Variants in CNTNAP5 observed in about 807,000 individuals in gnomAD.
CNTNAP5 encodes contactin associated protein family member 5, also known as contactin-associated protein-like 5.
Under a neutral mutation model 150.2 loss-of-function variants are expected in CNTNAP5, and 72 were observed. That is an observed-to-expected ratio of 0.48 (90% CI 0.40 to 0.58). CNTNAP5 has a LOEUF of 0.58. Among genes scored for constraint, CNTNAP5 ranks in the 20% least tolerant of loss-of-function variants. CNTNAP5 has a pLI of 0.00. For synonymous variants in CNTNAP5, 672 were observed against 619.8 expected (o/e 1.08, Z -1.25); for missense variants, 1,636 against 1,626.2 (o/e 1.01, Z -0.10).
chr2:124,890,710 A>G (rs139605898), intron 21 of CNTNAP5, among the ~76,000 whole-genome samples: 19 of 152,244 alleles, frequency 1.2e-4, no homozygotes, highest in African/African-American at 4.6e-4. Context: ...CAGAAACCCC[A>G]TTTCGTAGAG....
chr2:124,675,202 CTTT>C (rs1216528209), intron 13 of CNTNAP5, among the ~76,000 whole-genome samples: 3 of 151,760 alleles, frequency 2.0e-5, no homozygotes, highest in African/African-American at 7.3e-5. Context: ...AAATGTCCTT[CTTT>C]GTCATTAGTA....
chr2:124,491,242 G>A (rs1025107115), intron 7 of CNTNAP5, among the ~76,000 whole-genome samples: 8 of 152,060 alleles, frequency 5.3e-5, no homozygotes, highest in African/African-American at 1.9e-4. Context: ...ACCCTGACAA[G>A]TACTGTTCTA....
chr2:124,184,371 C>T (rs1226380726), intron 1 of CNTNAP5, among the ~76,000 whole-genome samples: 1 of 152,136 alleles, frequency 6.6e-6, no homozygotes, highest in Non-Finnish European at 1.5e-5. Flanking sequence ...TGAAGCAGCA[C>T]GCTGGTGTAT....
intron 11 of CNTNAP5, among the ~76,000 whole-genome samples, chr2:124,598,715 G>A (rs1415392329): frequency 1.3e-5 from 2 of 152,016 alleles, no homozygotes; most frequent in African/African-American, 2.4e-5. Context: ...AATCAAGCCT[G>A]GGCAATGGCG....
intron 6 of CNTNAP5, among the ~76,000 whole-genome samples, chr2:124,448,088 G>A (rs1692868274): frequency 6.6e-6 from 1 of 151,848 alleles, no homozygotes; most frequent in Non-Finnish European, 1.5e-5. Context: ...CTAACATGGT[G>A]AAACCCCGTC....
Position 124,772,768 on chromosome 2 carries a change from C to G in CNTNAP5, c.2534-31C>G, listed in dbSNP as rs1207695412. On this transcript the variant is annotated intron_variant, in intron 16 of 23. Transcript: ENST00000682447. ...GCCTTGAATGAGCTAACAACTCCCT[C>G]TATCCTTCCTGTTTTCCTTTCCGGT... 1.5e-5 allele frequency: 24 copies of G among 1,575,612 alleles called. No individual in the cohort carries two copies. In the Admixed American group the frequency reaches 3.8e-4, roughly 25 times the overall value.
At chr2:124,882,496 T>A (rs1277116753) in intron 21 of CNTNAP5, among the ~76,000 whole-genome samples, 1 of 152,006 alleles carries the variant, frequency 6.6e-6, no homozygotes, top group African/African-American at 2.4e-5. Flanking sequence ...AAAGGAGAAA[T>A]CAGAAGTAAA....
intron 1 of CNTNAP5, among the ~76,000 whole-genome samples, chr2:124,183,315 A>C (rs1431648619): frequency 1.3e-5 from 2 of 152,222 alleles, no homozygotes. Flanking sequence ...TAGCTCCAGA[A>C]GGGAATGTTC....
intron 13 of CNTNAP5, among the ~76,000 whole-genome samples, chr2:124,710,326 G>C (rs1679780311): frequency 6.6e-6 from 1 of 152,148 alleles, no homozygotes; most frequent in Non-Finnish European, 1.5e-5. Flanking sequence ...GCTACCTCTG[G>C]TCAGAGAGTT....
intron 1 of CNTNAP5, among the ~76,000 whole-genome samples, chr2:124,205,862 T>C (rs1685850880): frequency 6.6e-6 from 1 of 152,222 alleles, no homozygotes; most frequent in Non-Finnish European, 1.5e-5. Flanking sequence ...ATCCTGAAGA[T>C]GTAGTCATAT....
intron 19 of CNTNAP5, among the ~76,000 whole-genome samples, chr2:124,832,347 TACAC>T (rs1267132842): frequency 6.6e-6 from 1 of 152,110 alleles, no homozygotes; most frequent in Non-Finnish European, 1.5e-5. Flanking sequence ...TACAGAATAA[TACAC>T]ATACATATGC....
At chr2:124,280,182 A>T (rs1411992945) in intron 3 of CNTNAP5, among the ~76,000 whole-genome samples, 7 of 150,330 alleles carry the variant, frequency 4.7e-5, no homozygotes, top group Non-Finnish European at 1.0e-4. Flanking sequence ...ATATATATAC[A>T]TTTTTTTTTA....
intron 11 of CNTNAP5, among the ~76,000 whole-genome samples, chr2:124,578,156 C>CAAAA (rs556786620): frequency 2.9e-5 from 2 of 69,496 alleles, no homozygotes; most frequent in East Asian, 4.2e-4. Context: ...ACTAAAAATA[C>CAAAA]AAAAAAAAAA....
chr2:124,706,816 G>A (rs1279816921), intron 13 of CNTNAP5, among the ~76,000 whole-genome samples: 63 of 12,640 alleles, frequency 5.0e-3, no homozygotes, highest in African/African-American at 0.012. Flanking sequence ...GGAGGAGGAG[G>A]AGGAGGAGGA....
chr2:124,561,027 C>G (rs1045643697), intron 10 of CNTNAP5, among the ~76,000 whole-genome samples: 1 of 151,262 alleles, frequency 6.6e-6, no homozygotes, highest in Non-Finnish European at 1.5e-5. Flanking sequence ...GTTTTTCTTT[C>G]TTAAGGCAAT....
chr2:124,212,478 T>G (rs2104726521), intron 1 of CNTNAP5, among the ~76,000 whole-genome samples: 1 of 152,346 alleles, frequency 6.6e-6, no homozygotes, highest in African/African-American at 2.4e-5. Context: ...CCCACCAAAC[T>G]ATTCCAGCCA....
rs1558732458 is a variant in CNTNAP5, at chr2:124,035,025, CCTT to C, written c.82+9295_82+9297del. On this transcript the variant is annotated intron_variant, in intron 1 of 23. Coordinates refer to ENST00000682447, the MANE Select transcript of CNTNAP5 (RefSeq NM_001367498.1). ...TCCCCTCCCCTCCCCTCCCTCCCTT[CCTT>C]CCTTCCTTCTTCAGATATTTATGAA... Among the ~76,000 whole-genome samples the C allele has an allele frequency of 1.9e-4, 7 of 35,902 alleles. No individual in the cohort carries two copies. In the East Asian group the frequency reaches 4.1e-3, roughly 21 times the overall value. The allele number at this position is 35,902 out of a possible 152,430, so 23.6% of individuals were successfully genotyped here.
intron 13 of CNTNAP5, among the ~76,000 whole-genome samples, chr2:124,729,388 T>A (rs1411746190): frequency 1.3e-5 from 2 of 152,102 alleles, no homozygotes; most frequent in East Asian, 1.9e-4. Context: ...TTTTTATTAT[T>A]GTTTTCTTTG....
chr2:124,181,215 A>G (rs888927896), intron 1 of CNTNAP5, among the ~76,000 whole-genome samples: 4 of 152,130 alleles, frequency 2.6e-5, no homozygotes, highest in African/African-American at 7.2e-5. Flanking sequence ...TTGAATAACT[A>G]TAGTAATTAG....
Sources: allele counts gnomAD v4.1 joint callset (sites outside exome capture counted in the v4.1 genomes callset), GRCh38; gene constraint gnomAD v4.1.1; transcripts MANE v1.5; gene names NCBI Gene and HGNC (gene_info 2026-07-23, HGNC 2026-07-21).